GPR180: variants seen among roughly 807,000 people sequenced by gnomAD.
The protein encoded by GPR180 is G protein-coupled receptor 180.
A neutral mutation model predicts 52.6 loss-of-function variants in GPR180; 53 were observed. The ratio of observed to expected loss-of-function variants is 1.01; its 90% CI spans 0.81 to 1.27. The LOEUF (loss-of-function observed/expected upper bound fraction) is 1.27, where lower values mean the gene tolerates loss of function less well. GPR180 is among the 50% of genes most tolerant of loss of function. The pLI is 0.00. For missense variants in GPR180, 533 were observed against 527.0 expected (o/e 1.01, Z -0.11); for synonymous variants, 200 against 193.1 (o/e 1.04, Z -0.30).
At position 94,619,524 on chromosome 13, in the gene GPR180, ATCTT is replaced by A. The variant is rs781116707; in HGVS notation, c.736+11_736+14del. On this transcript the variant is annotated splice_region_variant and intron_variant, in intron 5 of 8. Transcript: ENST00000376958. Reference sequence around the variant, plus strand: ...ATGGGAAGTTTGGCAGAATGTGAGTATCTTTCTGAGCATTTTTTAAAAAGCTTTT... The same window carrying A: ...ATGGGAAGTTTGGCAGAATGTGAGTATCTGAGCATTTTTTAAAAAGCTTTT... 3.0e-5 allele frequency: 49 copies of A among 1,609,622 alleles called. No individual in the cohort carries two copies. The Admixed American group carries it at 8.2e-4, about 27-fold the overall frequency.
chr13:94,632,695 A>G lies in GPR180; in HGVS notation c.*5524A>G, dbSNP rs1890014258. On this transcript the variant is annotated 3_prime_UTR_variant, in exon 9 of 9. Transcript: ENST00000376958. Reference sequence around the variant, plus strand: ...TCTAGGTGATGGAAGTATCTTTGTTATTCATAGTGAGCTCTGATAGTTACG... The same window carrying G: ...TCTAGGTGATGGAAGTATCTTTGTTGTTCATAGTGAGCTCTGATAGTTACG... 1 of 152,156 alleles carries G rather than the reference A, an allele frequency of 6.6e-6. No homozygotes were observed. Among genetic ancestry groups the G allele is most frequent in the Non-Finnish European group, 1.5e-5 (1 of 68,028 alleles). The allele number at this position is 152,156 out of a possible 1,614,324, so 9.4% of individuals were successfully genotyped here. A position where few individuals can be genotyped will look rare whatever the true frequency, so the allele number is the denominator to read the frequency against.
chr13:94,621,025 A>C lies in GPR180; in HGVS notation c.737-53A>C, dbSNP rs955963576. 5.2e-6 allele frequency: 8 copies of C among 1,524,456 alleles called. No individual in the cohort carries two copies. The African/African-American group carries it at 1.1e-4, about 22-fold the overall frequency. 94.4% of individuals were successfully genotyped at this position (1,524,456 alleles called of 1,614,324 possible). Reference sequence around the variant, plus strand: ...AGATGTTCTCAATGCAAAAAGCACTAAATTTTTTATATTGTGAAAACTTGG... The same window carrying C: ...AGATGTTCTCAATGCAAAAAGCACTCAATTTTTTATATTGTGAAAACTTGG... On this transcript the variant is annotated intron_variant, in intron 5 of 8. Coordinates refer to ENST00000376958, the MANE Select transcript of GPR180 (RefSeq NM_180989.6).
chr13:94,619,859 C>T (rs1252917398), intron 5 of GPR180, among the ~76,000 whole-genome samples: 1 of 152,098 alleles, frequency 6.6e-6, no homozygotes, highest in Non-Finnish European at 1.5e-5. Context: ...GCTGGGATTA[C>T]AGGCACATAC....
intron 2 of GPR180, among the ~76,000 whole-genome samples, chr13:94,607,486 T>C (rs1415087350): frequency 1.3e-5 from 2 of 152,250 alleles, no homozygotes; most frequent in South Asian, 2.1e-4. Context: ...TCTGAGCCTT[T>C]GCATAGGCTT....
intron 3 of GPR180, among the ~76,000 whole-genome samples, 170 bp from the exon 4 acceptor site, chr13:94,618,980 G>T (rs1343423714): frequency 6.6e-6 from 1 of 152,044 alleles, no homozygotes; most frequent in Non-Finnish European, 1.5e-5. Context: ...TTGCCCCAAG[G>T]TACAAAATTG....
chr13:94,619,338 A>G lies in GPR180; in HGVS notation c.686+8A>G, dbSNP rs769861593. The G allele has an allele frequency of 6.8e-6, 11 of 1,612,574 alleles. No homozygotes were observed. Among genetic ancestry groups the G allele is most frequent in the Non-Finnish European group, 9.3e-6 (11 of 1,178,924 alleles). ...TTACATTCATTTCTCCAGGTAACTC[A>G]AAACCACTAAAACTGTGTTCATCAT... is the stretch of plus-strand genomic sequence containing the variant. On this transcript the variant is annotated splice_region_variant and intron_variant, in intron 4 of 8. Coordinates refer to ENST00000376958, the MANE Select transcript of GPR180 (RefSeq NM_180989.6).
In GPR180 at chr13:94,602,057, C is replaced by T; in HGVS notation, c.130C>T (p.His44Tyr). The change falls in exon 1 of 9, where the codon CAC (histidine) becomes TAC (tyrosine). Residue 44 changes from histidine to tyrosine, a missense_variant. By Grantham distance (83) the His-to-Tyr change is moderately conservative. Transcript: ENST00000376958. The stretch of plus-strand genomic sequence containing the variant: ...GGACGCCCAGGGCCAGCGCATCGGC[C>T]ACTTCGAGTTCCATGGTAGGTCTGG... The part of the protein sequence containing the change: ...AQDAQGQRIG[H>Y]FEFHGDHALL... 1 of 1,405,884 alleles carries T rather than the reference C, an allele frequency of 7.1e-7. No individual in the cohort carries two copies. The highest frequency in any genetic ancestry group is 9.3e-7 in the Non-Finnish European group (1 of 1,075,930). 87.1% of individuals were successfully genotyped at this position (1,405,884 alleles called of 1,614,324 possible).
rs780077806 is a variant in GPR180 at position 94,619,342 on chromosome 13, C to T, written c.686+12C>T. Reference sequence around the variant, plus strand: ...ATTCATTTCTCCAGGTAACTCAAAACCACTAAAACTGTGTTCATCATTACA... The same window carrying T: ...ATTCATTTCTCCAGGTAACTCAAAATCACTAAAACTGTGTTCATCATTACA... On this transcript the variant is annotated intron_variant, in intron 4 of 8. Transcript: ENST00000376958. The T allele has an allele frequency of 6.2e-7, 1 of 1,612,630 alleles. No individual in the cohort carries two copies. Among genetic ancestry groups the T allele is most frequent in the East Asian group, 2.2e-5 (1 of 44,850 alleles).
Position 94,632,272 on chromosome 13 carries a change from A to G in GPR180, c.*5101A>G, listed in dbSNP as rs528772131. Reference sequence around the variant, plus strand: ...ACATTGTACAAAAATCAGAAAGTTGAAAAAGGTGGGGAAAAGAAGTCCTTC... The same window carrying G: ...ACATTGTACAAAAATCAGAAAGTTGGAAAAGGTGGGGAAAAGAAGTCCTTC... On this transcript the variant is annotated 3_prime_UTR_variant, in exon 9 of 9. Coordinates refer to ENST00000376958, the MANE Select transcript of GPR180 (RefSeq NM_180989.6). The G allele has an allele frequency of 6.6e-5, 10 of 152,336 alleles. No individual in the cohort carries two copies. In the East Asian group the frequency reaches 1.9e-3, roughly 29 times the overall value. The allele number at this position is 152,336 out of a possible 1,614,324, so 9.4% of individuals were successfully genotyped here.
At chr13:94,602,817 C>T (rs953627447) in intron 1 of GPR180, among the ~76,000 whole-genome samples, 3 of 152,160 alleles carry the variant, frequency 2.0e-5, no homozygotes, top group African/African-American at 7.2e-5. Flanking sequence ...ATTTTGGTCT[C>T]ATTTGCACTC....
intron 1 of GPR180, among the ~76,000 whole-genome samples, chr13:94,603,516 C>T (rs1389802716): frequency 2.6e-5 from 4 of 152,140 alleles, no homozygotes; most frequent in African/African-American, 7.2e-5. Context: ...TACCAATTTT[C>T]ATGAATCCCA....
rs750007671 is a variant in GPR180 at position 94,626,907 on chromosome 13, T to A, written c.1165-106T>A. ...ATGTACCTATGGTAAAGATGAAAGA[T>A]AGAGTATTGTATTTATATAAAAAGC... On this transcript the variant is annotated intron_variant, in intron 8 of 8. Coordinates refer to ENST00000376958, the MANE Select transcript of GPR180 (RefSeq NM_180989.6). 268 of 796,164 alleles carry A rather than the reference T, an allele frequency of 3.4e-4. 2 individuals carry two copies. The highest frequency in any genetic ancestry group is 4.4e-4 in the Non-Finnish European group (246 of 558,044). The allele number at this position is 796,164 out of a possible 1,614,324, so 49.3% of individuals were successfully genotyped here. A position where few individuals can be genotyped will look rare whatever the true frequency, so the allele number is the denominator to read the frequency against.
chr13:94,622,395 C>G (rs916464876), intron 6 of GPR180, among the ~76,000 whole-genome samples: 1 of 152,016 alleles, frequency 6.6e-6, no homozygotes, highest in African/African-American at 2.4e-5. Context: ...TAATATTACA[C>G]TAGAGTTTAT....
Position 94,627,090 on chromosome 13 carries a change from A to G in GPR180, c.1242A>G (p.Leu414=). ...ACAGACTCTTTCTGTCTCACAGTCT[A>G]TACTGGGAAGTTTCTTCACTTTCTT... The part of the protein sequence containing the change: ...ILYRLFLSHS[L]YWEVSSLSSV... The change falls in exon 9 of 9, where the codon CTA becomes CTG. Residue 414 remains leucine, a synonymous_variant. Coordinates refer to ENST00000376958, the MANE Select transcript of GPR180 (RefSeq NM_180989.6). 1.2e-6 allele frequency: 2 copies of G among 1,612,676 alleles called. No individual in the cohort carries two copies. Among genetic ancestry groups the G allele is most frequent in the Non-Finnish European group, 8.5e-7 (1 of 1,179,012 alleles).
At position 94,623,397 on chromosome 13, in the gene GPR180, A is replaced by G. The variant is rs1889879151; in HGVS notation, c.1086+97A>G. 3.1e-6 allele frequency: 3 copies of G among 981,880 alleles called. No individual in the cohort carries two copies. The African/African-American group carries it at 4.9e-5, about 16-fold the overall frequency. 60.8% of individuals were successfully genotyped at this position (981,880 alleles called of 1,614,324 possible). A position where few individuals can be genotyped will look rare whatever the true frequency, so the allele number is the denominator to read the frequency against. ...ACAACTACATGCTAACTTTTATTAA[A>G]CTTCTGGGTTGGGCACAGTGGCTCA... On this transcript the variant is annotated intron_variant, in intron 7 of 8. Coordinates refer to ENST00000376958, the MANE Select transcript of GPR180 (RefSeq NM_180989.6).
At chr13:94,605,636 G>GT in intron 2 of GPR180, 87 bp downstream of exon 2, 2 of 1,098,922 alleles carry the variant, frequency 1.8e-6, no homozygotes, top group Non-Finnish European at 2.6e-6. Flanking sequence ...CATATGTTAT[G>GT]TTTCCTGACA....
At position 94,612,186 on chromosome 13, in the gene GPR180, A is replaced by G. The variant is rs767489435; in HGVS notation, c.305-4A>G. On this transcript the variant is annotated splice_region_variant and splice_polypyrimidine_tract_variant and intron_variant, in intron 2 of 8. Transcript: ENST00000376958. ...TACAAAAGGTGTTTTCTTTCTCTTT[A>G]AAGTGACCATGAACCAGACCGAACA... The G allele has an allele frequency of 4.3e-6, 7 of 1,612,638 alleles. No homozygotes were observed. The East Asian group carries it at 8.9e-5, about 21-fold the overall frequency.
In GPR180 at chr13:94,612,217, T is replaced by C. The variant is rs753419068; in HGVS notation, c.332T>C (p.Leu111Pro). The C allele has an allele frequency of 3.1e-6, 5 of 1,614,076 alleles. No homozygotes were observed. Among genetic ancestry groups the C allele is most frequent in the Non-Finnish European group, 4.2e-6 (5 of 1,180,012 alleles). ...TMTMNQTEHN[L>P]TVSQIPSPQT... is the part of the protein sequence containing the mutation. Reference sequence around the variant, plus strand: ...ACCATGAACCAGACCGAACATAATCTGACAGTGTCCCAGATTCCGTCTCCA... The same window carrying C: ...ACCATGAACCAGACCGAACATAATCCGACAGTGTCCCAGATTCCGTCTCCA... Residue 111 changes from leucine to proline, a missense_variant, in exon 3 of 9, where the codon CTG (leucine) becomes CCG (proline). Coordinates refer to ENST00000376958, the MANE Select transcript of GPR180 (RefSeq NM_180989.6).
In GPR180 at chr13:94,634,421, T is replaced by G. The variant is rs991492557; in HGVS notation, c.*7250T>G. 46 of 152,004 alleles carry G rather than the reference T, an allele frequency of 3.0e-4. No individual in the cohort carries two copies. The highest frequency in any genetic ancestry group is 1.1e-3 in the African/African-American group (44 of 41,424). 9.4% of individuals were successfully genotyped at this position (152,004 alleles called of 1,614,324 possible). A position where few individuals can be genotyped will look rare whatever the true frequency, so the allele number is the denominator to read the frequency against. On this transcript the variant is annotated 3_prime_UTR_variant, in exon 9 of 9. Coordinates refer to ENST00000376958, the MANE Select transcript of GPR180 (RefSeq NM_180989.6). ...AGTACATATTATATATACTTATATA[T>G]TAAGTAATCAGAAGTATGTGTTTCT...
Sources: allele counts gnomAD v4.1 joint callset (sites outside exome capture counted in the v4.1 genomes callset), GRCh38; gene constraint gnomAD v4.1.1; transcripts MANE v1.5; gene names NCBI Gene and HGNC (gene_info 2026-07-23, HGNC 2026-07-21).